FN1: variants seen among roughly 807,000 people sequenced by gnomAD.
FN1 encodes the protein fibronectin.
In FN1, 106 loss-of-function variants were observed where a neutral mutation model predicts 297.3. The ratio of observed to expected loss-of-function variants is 0.36; its 90% CI spans 0.30 to 0.42. FN1 has a LOEUF of 0.42. FN1 is among the 10% of genes least tolerant of loss of function. The probability of loss-of-function intolerance (pLI) is 1.00; values close to 1 mark genes in which losing one functional copy is unlikely to be tolerated. For missense variants in FN1, 2,690 were observed against 3,124.9 expected, an observed-to-expected ratio of 0.86 and a Z score of 3.32; for synonymous variants, 1,149 against 1,152.6, an observed-to-expected ratio of 1.00 and a Z score of 0.06.
At position 215,406,222 on chromosome 2, in the gene FN1, A is replaced by G; in HGVS notation, c.2986+16T>C. 1.2e-6 allele frequency: 2 copies of G among 1,613,474 alleles called. No individual in the cohort carries two copies. The highest frequency in any genetic ancestry group is 1.7e-6 in the Non-Finnish European group (2 of 1,179,390). ...TGGAGAATTTGGAGGGGAGATAGAG[A>G]TAGGAGAAGACATACTGGTTGTCTG... is the stretch of plus-strand genomic sequence containing the variant. On this transcript the variant is annotated intron_variant, in intron 19 of 45. Coordinates refer to ENST00000354785, the MANE Select transcript of FN1 (RefSeq NM_212482.4).
At chr2:215,361,921 G>T in intron 45 of FN1, 48 bp downstream of exon 45, 4 of 1,594,668 alleles carry the variant, frequency 2.5e-6, no homozygotes, top group Non-Finnish European at 3.4e-6. Context: ...CCTGTAGAAA[G>T]AGACTGTCTA....
chr2:215,391,853 TTTAAAA>T (rs2059745061), intron 25 of FN1, 39 bp from the exon 26 acceptor site: 2 of 1,590,230 alleles, frequency 1.3e-6, no homozygotes, highest in Admixed American at 1.7e-5. Flanking sequence ...TTAATGTAAT[TTTAAAA>T]TTAAAGCTAA....
At chr2:215,398,879 G>T (rs1460146550) in intron 21 of FN1, among the ~76,000 whole-genome samples, 2 of 152,162 alleles carry the variant, frequency 1.3e-5, no homozygotes, top group Non-Finnish European at 2.9e-5. Flanking sequence ...AGTTTAACTG[G>T]TCTCCCTAAA....
intron 13 of FN1, 177 bp downstream of exon 13, chr2:215,414,660 C>G: frequency 7.4e-7 from 1 of 1,351,492 alleles, no homozygotes; most frequent in Non-Finnish European, 9.5e-7. Flanking sequence ...CCAAAATCCC[C>G]TCAGTCTACA....
At chr2:215,400,988 G>A (rs1389780277) in intron 20 of FN1, among the ~76,000 whole-genome samples, 2 of 149,394 alleles carry the variant, frequency 1.3e-5, no homozygotes, top group South Asian at 2.1e-4. Flanking sequence ...TAAAGATGGG[G>A]TTTCACTATG....
chr2:215,424,256 C>G lies in FN1; in HGVS notation c.1106G>C (p.Arg369Thr). The part of the protein sequence containing the change: ...PCVLPFTYNG[R>T]TFYSCTTEGR... ...TTCTGTGGTGCAGGAGTAGAACGTC[C>G]TGCCATTGTAGGTGAATGGTAAGAC... Residue 369 changes from arginine to threonine, a missense_variant, in exon 8 of 46, where the codon AGG becomes ACG. Coordinates refer to ENST00000354785, the MANE Select transcript of FN1 (RefSeq NM_212482.4). The G allele has an allele frequency of 6.2e-7, 1 of 1,614,112 alleles. No homozygotes were observed. Among genetic ancestry groups the G allele is most frequent in the Non-Finnish European group, 8.5e-7 (1 of 1,179,984 alleles).
chr2:215,419,212 T>C (rs778080530), intron 12 of FN1, 30 bp downstream of exon 12: 1 of 1,610,520 alleles, frequency 6.2e-7, no homozygotes, highest in Middle Eastern at 1.7e-4. Context: ...CAATTGGCAG[T>C]TCTCAACTTG....
Position 215,384,007 on chromosome 2 carries a change from T to A in FN1, c.4894+13A>T, listed in dbSNP as rs1051149371. The stretch of plus-strand genomic sequence containing the variant: ...AGTAAAAGCTGGTGTCACCCCAGAG[T>A]AGAAGTTTGTACCTGTTCGGTAATT... On this transcript the variant is annotated intron_variant, in intron 30 of 45. Transcript: ENST00000354785. 1.2e-6 allele frequency: 2 copies of A among 1,613,424 alleles called. No homozygotes were observed. The highest frequency in any genetic ancestry group is 1.7e-5 in the Admixed American group (1 of 59,966).
Position 215,436,026 on chromosome 2 carries a change from G to C in FN1, c.-224C>G. ...AGGTCCCCTCTTCCCGCTCGCGCCT[G>C]GGGTTCCCTCTCCTCCCCCTGTGCA... On this transcript the variant is annotated 5_prime_UTR_variant, in exon 1 of 46. Coordinates refer to ENST00000354785, the MANE Select transcript of FN1 (RefSeq NM_212482.4). 1 of 992,116 alleles carries C rather than the reference G, an allele frequency of 1.0e-6. No individual in the cohort carries two copies. Among genetic ancestry groups the C allele is most frequent in the Non-Finnish European group, 1.4e-6 (1 of 704,000 alleles). 61.5% of individuals were successfully genotyped at this position (992,116 alleles called of 1,614,324 possible).
chr2:215,373,545 C>A, intron 38 of FN1, 134 bp from the exon 39 acceptor site: 2 of 728,490 alleles, frequency 2.7e-6, no homozygotes, highest in Non-Finnish European at 5.0e-6. Flanking sequence ...AAGGTAAAAT[C>A]GACTTCACTT....
At chr2:215,384,741 G>A in intron 29 of FN1, 119 bp downstream of exon 29, 1 of 750,230 alleles carries the variant, frequency 1.3e-6, no homozygotes, top group South Asian at 1.5e-5. Context: ...AAAAAACAAG[G>A]GCTCCGTTGA....
In FN1 at chr2:215,415,747, T is replaced by G. The variant is rs149048970; in HGVS notation, c.1820-789A>C. On this transcript the variant is annotated intron_variant, in intron 12 of 45. Coordinates refer to ENST00000354785, the MANE Select transcript of FN1 (RefSeq NM_212482.4). ...TATCAACAAAATTTAAAGTATGGTT[T>G]TGGTTCTTTTGTTTAAAATAAAAGG... Among the ~76,000 whole-genome samples the G allele has an allele frequency of 9.9e-3, 1,509 of 152,254 alleles. 30 individuals carry two copies. The highest frequency in any genetic ancestry group is 0.034 in the African/African-American group (1,419 of 41,568).
At position 215,421,399 on chromosome 2, in the gene FN1, T is replaced by C. The variant is rs537230246; in HGVS notation, c.1547-598A>G. The C allele has an allele frequency of 2.1e-3, 378 of 179,940 alleles. 2 individuals carry two copies. Among genetic ancestry groups the C allele is most frequent in the Non-Finnish European group, 3.3e-3 (281 of 85,154 alleles). The allele number at this position is 179,940 out of a possible 1,614,324, so 11.1% of individuals were successfully genotyped here. On this transcript the variant is annotated intron_variant, in intron 10 of 45. Transcript: ENST00000354785. Reference sequence around the variant, plus strand: ...TCCTTGATCTATATAGAGTGAGGTCTCTATGTGTTATTAAGGTCTCTTTCA... The same window carrying C: ...TCCTTGATCTATATAGAGTGAGGTCCCTATGTGTTATTAAGGTCTCTTTCA...
intron 26 of FN1, among the ~76,000 whole-genome samples, 165 bp downstream of exon 26, chr2:215,391,467 A>G (rs1161641714): frequency 6.6e-6 from 1 of 152,244 alleles, no homozygotes; most frequent in African/African-American, 2.4e-5. Context: ...GATAGCAACA[A>G]ACATTACATC....
At chr2:215,426,008 C>T (rs1344887421) in intron 6 of FN1, among the ~76,000 whole-genome samples, 1 of 152,190 alleles carries the variant, frequency 6.6e-6, no homozygotes, top group Admixed American at 6.5e-5. Flanking sequence ...CTGGAGGTCA[C>T]CTCCACCTTC....
At chr2:215,370,554 C>CAAAA in intron 40 of FN1, 122 bp from the exon 41 acceptor site, 2 of 313,460 alleles carry the variant, frequency 6.4e-6, no homozygotes, top group Non-Finnish European at 1.1e-5. Context: ...AAACAAAAAA[C>CAAAA]AAAAAAAAAA....
At chr2:215,428,381 C>T (rs932933637) in intron 5 of FN1, 43 bp from the exon 6 acceptor site, 6 of 1,584,708 alleles carry the variant, frequency 3.8e-6, no homozygotes, top group Middle Eastern at 1.7e-4. Context: ...GGTCGAGAGT[C>T]GCAAGTGGTC....
Position 215,422,208 on chromosome 2 carries a change from T to A in FN1, c.1429A>T (p.Met477Leu), listed in dbSNP as rs1435569232. ...TCCCACTGATCTCCAATGCGGTACATGACCCCTTCATTGGTTGTGCAGATT... is the reference window on the plus strand; with the variant it reads ...TCCCACTGATCTCCAATGCGGTACAAGACCCCTTCATTGGTTGTGCAGATT... ...EEICTTNEGV[M>L]YRIGDQWDKQ... Residue 477 changes from methionine to leucine, a missense_variant, in exon 10 of 46, where the codon ATG (methionine) becomes TTG (leucine). Met to Leu is a conservative substitution (Grantham distance 15). Around this residue, in one of 3 missense-constraint regions of FN1, gnomAD observed 876 missense variants for 1,058.1 expected, o/e 0.83. Transcript: ENST00000354785. 1 of 1,614,024 alleles carries A rather than the reference T, an allele frequency of 6.2e-7. No individual in the cohort carries two copies. Among genetic ancestry groups the A allele is most frequent in the Admixed American group, 1.7e-5 (1 of 60,008 alleles).
intron 12 of FN1, among the ~76,000 whole-genome samples, chr2:215,417,408 A>T (rs1211771018): frequency 6.6e-6 from 1 of 152,238 alleles, no homozygotes; most frequent in Non-Finnish European, 1.5e-5. Context: ...TTAAACATTT[A>T]TGATTTTTTG....
Sources: allele counts gnomAD v4.1 joint callset (sites outside exome capture counted in the v4.1 genomes callset), GRCh38; gene constraint gnomAD v4.1.1; regional missense constraint gnomAD v4.1.1; transcripts MANE v1.5; gene names NCBI Gene and HGNC (gene_info 2026-07-23, HGNC 2026-07-21).